DNAH6: variants seen among roughly 807,000 people sequenced by gnomAD.
DNAH6 encodes axonemal beta dynein heavy chain 6.
A neutral mutation model predicts 491.4 loss-of-function variants in DNAH6; 340 were observed. The observed-to-expected ratio is 0.69, with a 90% confidence interval of 0.63 to 0.76. The LOEUF (loss-of-function observed/expected upper bound fraction) is 0.76. Among genes scored for constraint, DNAH6 ranks in the 30% least tolerant of loss-of-function variants. DNAH6 has a pLI of 0.00. For synonymous variants in DNAH6, 1,603 were observed against 1,686.1 expected, an observed-to-expected ratio of 0.95 and a Z score of 1.21; for missense variants, 4,443 against 4,972.2, an observed-to-expected ratio of 0.89 and a Z score of 3.20.
intron 4 of DNAH6, among the ~76,000 whole-genome samples, chr2:84,534,894 A>G: frequency 6.6e-6 from 1 of 152,170 alleles, no homozygotes; most frequent in South Asian, 2.1e-4. Flanking sequence ...CTAAAGAAAG[A>G]TTATTAAGTC....
At chr2:84,637,436 G>A (rs954879021) in intron 31 of DNAH6, 59 bp downstream of exon 31, 27 of 1,452,388 alleles carry the variant, frequency 1.9e-5, no homozygotes, top group South Asian at 3.1e-5. Flanking sequence ...TTTACCATTC[G>A]ATTCTATCAA....
chr2:84,715,712 G>T lies in DNAH6; in HGVS notation c.9611+85G>T, dbSNP rs1388598604. ...GTTTAGAAATATTGACAAAGACAAT[G>T]TTCTGCTGTGTAAGAGCACTACACA... On this transcript the variant is annotated intron_variant, in intron 58 of 76. Coordinates refer to ENST00000389394, the MANE Select transcript of DNAH6 (RefSeq NM_001370.2). 3.8e-6 allele frequency: 5 copies of T among 1,325,378 alleles called. No homozygotes were observed. In the African/African-American group the frequency reaches 4.4e-5, roughly 12 times the overall value. 82.1% of individuals were successfully genotyped at this position (1,325,378 alleles called of 1,614,324 possible).
intron 33 of DNAH6, among the ~76,000 whole-genome samples, chr2:84,648,017 T>A (rs560913622): frequency 1.3e-5 from 2 of 152,360 alleles, no homozygotes; most frequent in Admixed American, 6.5e-5. Context: ...TAATGTTAGT[T>A]CTGTTTAGAA....
intron 64 of DNAH6, among the ~76,000 whole-genome samples, chr2:84,768,919 A>G (rs762665296): frequency 5.3e-5 from 8 of 152,242 alleles, no homozygotes; most frequent in South Asian, 2.1e-4. Flanking sequence ...CCAAAAATCT[A>G]TCTCTACACG....
intron 18 of DNAH6, among the ~76,000 whole-genome samples, chr2:84,602,730 CCTT>C (rs775006188): frequency 8.7e-5 from 13 of 149,074 alleles, no homozygotes; most frequent in Non-Finnish European, 1.9e-4. Flanking sequence ...TCTCTCTTCT[CCTT>C]CTATGATTTC....
chr2:84,758,778 G>A lies in DNAH6; in HGVS notation c.10513-3977G>A, dbSNP rs188563306. Reference sequence around the variant, plus strand: ...AAAAACCCTCAACAAATTAGGCATAGAAGGAACATATCTCAAAATAACAAA... The same window carrying A: ...AAAAACCCTCAACAAATTAGGCATAAAAGGAACATATCTCAAAATAACAAA... On this transcript the variant is annotated intron_variant, in intron 63 of 76. Coordinates refer to ENST00000389394, the MANE Select transcript of DNAH6 (RefSeq NM_001370.2). 2.1e-3 allele frequency among the ~76,000 whole-genome samples: 322 copies of A among 152,216 alleles called. 4 individuals are homozygous for A. The highest frequency in any genetic ancestry group is 3.4e-3 in the Middle Eastern group (1 of 294).
At chr2:84,630,923 A>C (rs953255668) in intron 29 of DNAH6, among the ~76,000 whole-genome samples, 2 of 152,056 alleles carry the variant, frequency 1.3e-5, no homozygotes, top group African/African-American at 4.8e-5. Context: ...ACCTTCTTTC[A>C]CCTCTTGTGT....
At chr2:84,789,906 G>A (rs972285472) in intron 68 of DNAH6, among the ~76,000 whole-genome samples, 6 of 151,934 alleles carry the variant, frequency 3.9e-5, no homozygotes, top group African/African-American at 9.7e-5. Flanking sequence ...CATTTTCTTC[G>A]GTTAATATAA....
At chr2:84,727,931 G>A in intron 61 of DNAH6, 29 bp downstream of exon 61, 1 of 1,414,680 alleles carries the variant, frequency 7.1e-7, no homozygotes. Flanking sequence ...GGTGATGATT[G>A]ATATGGTTTG....
intron 16 of DNAH6, among the ~76,000 whole-genome samples, chr2:84,589,951 G>A (rs1295853378): frequency 4.6e-5 from 7 of 152,054 alleles, no homozygotes; most frequent in Non-Finnish European, 7.4e-5. Context: ...GAACCTCACA[G>A]GGGAATGCAC....
At chr2:84,654,146 A>G (rs1235394904) in intron 34 of DNAH6, among the ~76,000 whole-genome samples, 1 of 152,116 alleles carries the variant, frequency 6.6e-6, no homozygotes. Flanking sequence ...GAGGAGAGAG[A>G]GAGAGAGCTT....
Position 84,815,865 on chromosome 2 carries a change from C to G in DNAH6, c.12155C>G (p.Pro4052Arg), listed in dbSNP as rs1376063786. 1 of 1,549,214 alleles carries G rather than the reference C, an allele frequency of 6.5e-7. No homozygotes were observed. The highest frequency in any genetic ancestry group is 8.7e-7 in the Non-Finnish European group (1 of 1,145,394). ...GQELPMDMELPSPEDGVLVHG... is the reference protein window; with the variant it reads ...GQELPMDMELRSPEDGVLVHG... ...AGACTTGTGGGTATCTTTCAGTTGC[C>G]CTCTCCTGAGGATGGTGTTCTTGTT... Residue 4052 changes from proline (P) to arginine (R), a missense_variant, in exon 76 of 77, where the codon CCC (proline) becomes CGC (arginine). Physicochemically the swap from Pro to Arg is moderately radical, Grantham distance 103. Around this residue, in one of 3 missense-constraint regions of DNAH6, gnomAD observed 1,463 missense variants for 1,656.6 expected, o/e 0.88. Transcript: ENST00000389394.
chr2:84,660,952 T>C (rs1408843847), intron 37 of DNAH6, among the ~76,000 whole-genome samples: 1 of 152,144 alleles, frequency 6.6e-6, no homozygotes, highest in East Asian at 1.9e-4. Flanking sequence ...ATCTTAGACT[T>C]GGAAAAATAT....
the DNAH6 span, among the ~76,000 whole-genome samples, chr2:84,465,557 G>C: frequency 3.3e-5 from 5 of 152,114 alleles, no homozygotes; most frequent in Non-Finnish European, 7.4e-5. Context: ...CACACAAAGA[G>C]TATAACAGCA....
At chr2:84,595,378 G>T (rs537884133) in intron 17 of DNAH6, among the ~76,000 whole-genome samples, 1 of 152,224 alleles carries the variant, frequency 6.6e-6, no homozygotes, top group East Asian at 1.9e-4. Context: ...ATAGCTATTT[G>T]TCTCCTTAGA....
chr2:84,472,636 A>G, the DNAH6 span, among the ~76,000 whole-genome samples: 10,783 of 152,250 alleles, frequency 0.071, 1,260 homozygotes, highest in African/African-American at 0.25. Flanking sequence ...CAATTTCTTT[A>G]GCTTGTTTCC....
At chr2:84,481,448 GTGA>G in the DNAH6 span, among the ~76,000 whole-genome samples, 1 of 152,180 alleles carries the variant, frequency 6.6e-6, no homozygotes, top group Admixed American at 6.5e-5. Context: ...GCTGATGAAA[GTGA>G]TAAAGCTCAC....
Position 84,616,876 on chromosome 2 carries a change from T to A in DNAH6, c.3476-10T>A, listed in dbSNP as rs923197251. 4.4e-5 allele frequency: 63 copies of A among 1,423,442 alleles called. No individual in the cohort carries two copies. Among genetic ancestry groups the A allele is most frequent in the Non-Finnish European group, 5.5e-5 (60 of 1,083,238 alleles). The allele number at this position is 1,423,442 out of a possible 1,614,324, so 88.2% of individuals were successfully genotyped here. Reference sequence around the variant, plus strand: ...CAGTTTTACCAATACTATTTTTTTTTAATGAACAGGACTTCTGGAAACTTT... The same window carrying A: ...CAGTTTTACCAATACTATTTTTTTTAAATGAACAGGACTTCTGGAAACTTT... On this transcript the variant is annotated splice_polypyrimidine_tract_variant and intron_variant, in intron 22 of 76. Transcript: ENST00000389394.
chr2:84,502,112 A>G, the DNAH6 span, among the ~76,000 whole-genome samples: 1 of 152,064 alleles, frequency 6.6e-6, no homozygotes, highest in African/African-American at 2.4e-5. Context: ...AAGAAGCATC[A>G]TTAGATTGTT....
Sources: allele counts gnomAD v4.1 joint callset (sites outside exome capture counted in the v4.1 genomes callset), GRCh38; gene constraint gnomAD v4.1.1; regional missense constraint gnomAD v4.1.1; transcripts MANE v1.5; gene names NCBI Gene and HGNC (gene_info 2026-07-23, HGNC 2026-07-21).